Variants in PPFIA2 observed in about 807,000 individuals in gnomAD.
The protein encoded by PPFIA2 is PPFI scaffold protein A2.
In PPFIA2, 46 loss-of-function variants were observed where a neutral mutation model predicts 175.5. The ratio of observed to expected loss-of-function variants is 0.26; its 90% CI spans 0.21 to 0.34. PPFIA2 has a LOEUF of 0.34. Ranked by LOEUF, PPFIA2 falls within the 10% of genes least tolerant of loss-of-function variation. The probability of loss-of-function intolerance (pLI) is 1.00; values close to 1 mark genes in which losing one functional copy is unlikely to be tolerated. For missense variants in PPFIA2, 1,179 were observed against 1,506.1 expected (o/e 0.78, Z 3.60); for synonymous variants, 568 against 511.4 (o/e 1.11, Z -1.49).
rs117520279 is a variant in PPFIA2 at position 81,568,334 on chromosome 12, T to C, written c.303+108457A>G. Reference sequence around the variant, plus strand: ...TGCCTCTTCTGTCACCAAGGCACTGTCCCTTGTTTGTCTGATGGTGGGTCT... The same window carrying C: ...TGCCTCTTCTGTCACCAAGGCACTGCCCCTTGTTTGTCTGATGGTGGGTCT... On this transcript the variant is annotated intron_variant, in intron 4 of 32. Transcript: ENST00000549396. Among the ~76,000 whole-genome samples the C allele has an allele frequency of 3.9e-3, 590 of 152,288 alleles. 2 individuals are homozygous for C. The highest frequency in any genetic ancestry group is 8.7e-3 in the South Asian group (42 of 4,816).
Position 81,284,264 on chromosome 12 carries a change from T to A in PPFIA2, c.2965A>T (p.Asn989Tyr). The A allele has an allele frequency of 6.3e-7, 1 of 1,598,062 alleles. No homozygotes were observed. The highest frequency in any genetic ancestry group is 8.6e-7 in the Non-Finnish European group (1 of 1,168,384). ...ACCGTTTTTGCTGGAGCTGCAAGAT[T>A]TTCCATTTCTTCATGAGTCACCCAA... ...NVWVTHEEME[N>Y]LAAPAKTKES... The change falls in exon 25 of 33, where the codon AAT becomes TAT. Residue 989 changes from asparagine to tyrosine, a missense_variant. Physicochemically the swap from Asn to Tyr is moderately radical, Grantham distance 143 (BLOSUM62 -2). Around this residue, in one of 10 missense-constraint regions of PPFIA2, gnomAD observed 245 missense variants for 375.1 expected, o/e 0.65. Transcript: ENST00000549396.
chr12:81,658,295 G>GAAAAAAAAA (rs11365242), intron 4 of PPFIA2, among the ~76,000 whole-genome samples: 1 of 111,838 alleles, frequency 8.9e-6, no homozygotes, highest in Non-Finnish European at 1.9e-5. Context: ...GAAAAGAAAA[G>GAAAAAAAAA]AAAAAAAAAA....
At chr12:81,329,842 C>T (rs908551393) in intron 21 of PPFIA2, among the ~76,000 whole-genome samples, 9 of 152,314 alleles carry the variant, frequency 5.9e-5, no homozygotes, top group Middle Eastern at 3.4e-3. Context: ...GAGAACATTT[C>T]GATGCTTCCA....
At chr12:81,284,170 A>G (rs960909075) in intron 25 of PPFIA2, 71 bp downstream of exon 25, 15 of 1,173,018 alleles carry the variant, frequency 1.3e-5, no homozygotes, top group Non-Finnish European at 1.9e-5. Context: ...TATTGTAAAC[A>G]GATTAGTTTC....
chr12:81,444,081 C>T (rs1032321488), intron 6 of PPFIA2, among the ~76,000 whole-genome samples: 6 of 151,628 alleles, frequency 4.0e-5, no homozygotes, highest in Non-Finnish European at 7.4e-5. Context: ...GTCTCGATCT[C>T]CTGACCTCGT....
At chr12:81,496,151 C>T (rs1457597302) in intron 4 of PPFIA2, among the ~76,000 whole-genome samples, 2 of 152,128 alleles carry the variant, frequency 1.3e-5, no homozygotes, top group African/African-American at 4.8e-5. Flanking sequence ...TCTCCTCCCT[C>T]CTCCGCTTCT....
intron 4 of PPFIA2, among the ~76,000 whole-genome samples, chr12:81,602,002 AT>A (rs1366584830): frequency 2.0e-5 from 3 of 151,694 alleles, no homozygotes; most frequent in Non-Finnish European, 4.4e-5. Context: ...CCTGCACATA[AT>A]TTTATTTTAC....
chr12:81,367,073 A>G, intron 14 of PPFIA2, 35 bp downstream of exon 14: 1 of 1,450,976 alleles, frequency 6.9e-7, no homozygotes, highest in Admixed American at 2.7e-5. Flanking sequence ...AAATAAAAAT[A>G]GAAAATGGGC....
At chr12:81,738,375 G>A (rs770377166) in intron 3 of PPFIA2, among the ~76,000 whole-genome samples, 14 of 151,826 alleles carry the variant, frequency 9.2e-5, no homozygotes, top group Non-Finnish European at 1.9e-4. Context: ...TATTTTTCAA[G>A]TAGAAGAAAA....
chr12:81,346,067 T>A (rs1400633635), intron 18 of PPFIA2, among the ~76,000 whole-genome samples: 3 of 152,162 alleles, frequency 2.0e-5, no homozygotes, highest in African/African-American at 4.8e-5. Context: ...TTAAAAAAAA[T>A]TCACAATTTT....
chr12:81,681,640 G>A (rs2153576611), intron 3 of PPFIA2, among the ~76,000 whole-genome samples: 1 of 151,924 alleles, frequency 6.6e-6, no homozygotes, highest in Admixed American at 6.6e-5. Context: ...TGGAGCTATA[G>A]GGATTAATAA....
At chr12:81,428,288 A>G (rs2047495933) in intron 7 of PPFIA2, among the ~76,000 whole-genome samples, 2 of 151,978 alleles carry the variant, frequency 1.3e-5, no homozygotes, top group Admixed American at 6.6e-5. Context: ...GAGAGTCTGG[A>G]AAGATTTGCA....
intron 28 of PPFIA2, among the ~76,000 whole-genome samples, chr12:81,271,589 T>C (rs1330533469): frequency 6.6e-6 from 1 of 152,190 alleles, no homozygotes; most frequent in Non-Finnish European, 1.5e-5. Flanking sequence ...TTTTTATATT[T>C]ACACTTTATA....
At chr12:81,743,780 C>T (rs2464740) in intron 3 of PPFIA2, among the ~76,000 whole-genome samples, 109,419 of 141,924 alleles carry the variant, frequency 0.77, 42,028 homozygotes, top group Middle Eastern at 0.91. Context: ...CATGTGACAG[C>T]CAGCAGAATT....
intron 4 of PPFIA2, among the ~76,000 whole-genome samples, chr12:81,460,856 G>C (rs762245367): frequency 6.6e-6 from 1 of 152,020 alleles, no homozygotes; most frequent in Non-Finnish European, 1.5e-5. Flanking sequence ...CTGAGGCCTA[G>C]AGAAGTTAAG....
chr12:81,557,679 A>G (rs1024102952), intron 4 of PPFIA2, among the ~76,000 whole-genome samples: 6 of 152,100 alleles, frequency 3.9e-5, no homozygotes, highest in Non-Finnish European at 8.8e-5. Flanking sequence ...GAATAGGTAT[A>G]GAAATTTCCT....
intron 3 of PPFIA2, among the ~76,000 whole-genome samples, chr12:81,730,527 A>G (rs1360574065): frequency 6.6e-6 from 1 of 151,640 alleles, no homozygotes; most frequent in Non-Finnish European, 1.5e-5. Flanking sequence ...TGACAAGAAC[A>G]GCATGGGGGA....
At chr12:81,627,935 T>C (rs1595767787) in intron 4 of PPFIA2, among the ~76,000 whole-genome samples, 1 of 152,130 alleles carries the variant, frequency 6.6e-6, no homozygotes, top group South Asian at 2.1e-4. Flanking sequence ...TAAATATGAA[T>C]TATAGACAAA....
intron 19 of PPFIA2, among the ~76,000 whole-genome samples, chr12:81,341,769 A>C (rs1289978423): frequency 1.3e-5 from 2 of 152,048 alleles, no homozygotes; most frequent in African/African-American, 4.8e-5. Context: ...CAGAATATAA[A>C]CTCTTTACAA....
Sources: gnomAD v4.1 joint callset for allele counts (sites outside exome capture counted in the v4.1 genomes callset) on GRCh38, gnomAD v4.1.1 for gene constraint, gnomAD v4.1.1 regional missense constraint, MANE v1.5 for transcripts, NCBI Gene and HGNC (gene_info 2026-07-23, HGNC 2026-07-21) for gene names.